FAM118B: variants seen among roughly 807,000 people sequenced by gnomAD.
FAM118B encodes the protein SIR2 antiphage like 1.
Under a neutral mutation model 38.5 loss-of-function variants are expected in FAM118B, and 24 were observed. That is an observed-to-expected ratio of 0.62 (90% CI 0.45 to 0.88). The LOEUF (loss-of-function observed/expected upper bound fraction) is 0.88, where lower values mean the gene tolerates loss of function less well. Among genes scored for constraint, FAM118B ranks in the 40% least tolerant of loss-of-function variants. The probability of loss-of-function intolerance (pLI) is 0.00; values close to 1 mark genes in which losing one functional copy is unlikely to be tolerated. For missense variants in FAM118B, 334 were observed against 420.0 expected, an observed-to-expected ratio of 0.80 and a Z score of 1.79; for synonymous variants, 138 against 156.3, an observed-to-expected ratio of 0.88 and a Z score of 0.87.
chr11:126,214,514 G>GTTTTTTTTTT (rs71048770), intron 1 of FAM118B: 11 of 41,512 alleles, frequency 2.6e-4, no homozygotes, highest in Non-Finnish European at 4.8e-4. Context: ...TTTTTTTTTT[G>GTTTTTTTTTT]TTTTTTTTTT....
intron 1 of FAM118B, among the ~76,000 whole-genome samples, chr11:126,219,339 T>G (rs1950027365): frequency 7.2e-6 from 1 of 138,706 alleles, no homozygotes; most frequent in South Asian, 2.3e-4. Context: ...ATCCTTCAGC[T>G]CTTGTTTATC....
intron 2 of FAM118B, chr11:126,233,871 T>C (rs909067493): frequency 7.7e-6 from 3 of 391,808 alleles, no homozygotes; most frequent in African/African-American, 6.3e-5. Context: ...TTACTTGAGC[T>C]CAGGAGTTAG....
intron 7 of FAM118B, among the ~76,000 whole-genome samples, chr11:126,259,371 G>A (rs1035644311): frequency 1.3e-4 from 19 of 150,556 alleles, no homozygotes; most frequent in Admixed American, 3.3e-4. Flanking sequence ...CAAGCAGTGG[G>A]AAAAAGAAAA....
intron 1 of FAM118B, among the ~76,000 whole-genome samples, chr11:126,216,566 CT>C (rs1949981600): frequency 6.6e-6 from 1 of 152,162 alleles, no homozygotes; most frequent in African/African-American, 2.4e-5. Flanking sequence ...TGGCGTTTTT[CT>C]GGTCACAAAA....
intron 1 of FAM118B, among the ~76,000 whole-genome samples, chr11:126,222,843 T>C (rs1025484819): frequency 6.6e-6 from 1 of 152,212 alleles, no homozygotes; most frequent in African/African-American, 2.4e-5. Context: ...GGGATGGGGA[T>C]AGGATGATAA....
intron 1 of FAM118B, among the ~76,000 whole-genome samples, chr11:126,220,406 C>CT (rs199527903): frequency 1.1e-3 from 159 of 150,902 alleles, no homozygotes; most frequent in Non-Finnish European, 1.5e-3. Flanking sequence ...TCACTGGCCA[C>CT]TTTTTTTTTA....
At chr11:126,249,450 A>T (rs967015940) in intron 4 of FAM118B, among the ~76,000 whole-genome samples, 4 of 151,278 alleles carry the variant, frequency 2.6e-5, no homozygotes, top group African/African-American at 9.7e-5. Flanking sequence ...GGAGATGCTG[A>T]GGCTGGGTGT....
chr11:126,237,802 A>G (rs1360326371), intron 3 of FAM118B, among the ~76,000 whole-genome samples: 1 of 142,362 alleles, frequency 7.0e-6, no homozygotes, highest in African/African-American at 2.6e-5. Context: ...GGTTGCAGTG[A>G]GCTGAGATTG....
intron 4 of FAM118B, 87 bp downstream of exon 4, chr11:126,241,131 A>G (rs1950352041): frequency 1.5e-6 from 2 of 1,343,234 alleles, no homozygotes; most frequent in African/African-American, 1.5e-5. Flanking sequence ...CAAAACTAGC[A>G]TGCCAAATGT....
intron 6 of FAM118B, among the ~76,000 whole-genome samples, chr11:126,254,857 G>A (rs896937292): frequency 1.3e-5 from 2 of 152,082 alleles, no homozygotes; most frequent in Non-Finnish European, 1.5e-5. Context: ...AAAGTCAGAC[G>A]TTCTTCCTGT....
chr11:126,221,805 C>G (rs549459219), intron 1 of FAM118B, among the ~76,000 whole-genome samples: 1 of 152,154 alleles, frequency 6.6e-6, no homozygotes, highest in South Asian at 2.1e-4. Flanking sequence ...GCAAGATGGA[C>G]TTCAGTGTTG....
At chr11:126,212,638 A>G (rs1293133920) in intron 1 of FAM118B, among the ~76,000 whole-genome samples, 1 of 152,232 alleles carries the variant, frequency 6.6e-6, no homozygotes, top group Non-Finnish European at 1.5e-5. Context: ...TGGATCTGTG[A>G]CGATAGAAGG....
At chr11:126,241,953 A>G (rs1368834864) in intron 4 of FAM118B, among the ~76,000 whole-genome samples, 1 of 141,184 alleles carries the variant, frequency 7.1e-6, no homozygotes, top group Admixed American at 7.7e-5. Context: ...TGAACCCGGG[A>G]GGTGGAGGTT....
chr11:126,262,422 C>G lies in FAM118B; in HGVS notation c.*289C>G, dbSNP rs1427370517. ...GACATGCTTGTGTCCACACAGCACA[C>G]CAATGTGATACTTCCACTGACCGGC... is the stretch of plus-strand genomic sequence containing the variant. On this transcript the variant is annotated 3_prime_UTR_variant, in exon 9 of 9. Transcript: ENST00000533050. 6 of 447,192 alleles carry G rather than the reference C, an allele frequency of 1.3e-5. No individual in the cohort carries two copies. The highest frequency in any genetic ancestry group is 2.0e-5 in the Non-Finnish European group (5 of 251,440). 27.7% of individuals were successfully genotyped at this position (447,192 alleles called of 1,614,324 possible). A position where few individuals can be genotyped will look rare whatever the true frequency, so the allele number is the denominator to read the frequency against.
intron 3 of FAM118B, 72 bp downstream of exon 3, chr11:126,235,159 C>T: frequency 8.3e-7 from 1 of 1,207,458 alleles, no homozygotes; most frequent in Non-Finnish European, 1.2e-6. Context: ...CCAACTTATA[C>T]CTTCTATATC....
rs199936495 is a variant in FAM118B, at chr11:126,255,490, T to TAC, written c.697-1063_697-1062dup. On this transcript the variant is annotated intron_variant, in intron 6 of 8. Transcript: ENST00000533050. This position sits in a 1 kb window ranked among gnomAD's most constrained non-coding sequence, Gnocchi z 4.6. ...CTGTGTTTTTGTGTGTGTATATGTA[T>TAC]ACACACACACACACATACTGATGTT... Among the ~76,000 whole-genome samples, 31 of 151,732 alleles carry TAC rather than the reference T, an allele frequency of 2.0e-4. No individual in the cohort carries two copies. Among genetic ancestry groups the TAC allele is most frequent in the East Asian group, 5.8e-4 (3 of 5,180 alleles).
At chr11:126,214,514 G>GTTTTTTTTTTTTTTTTTTTTTTT (rs71048770) in intron 1 of FAM118B, 2 of 41,518 alleles carry the variant, frequency 4.8e-5, no homozygotes, top group Non-Finnish European at 1.1e-4. Context: ...TTTTTTTTTT[G>GTTTTTTTTTTTTTTTTTTTTTTT]TTTTTTTTTT....
chr11:126,233,624 T>G (rs1950234820), intron 2 of FAM118B: 1 of 407,822 alleles, frequency 2.5e-6, no homozygotes. Flanking sequence ...ACTGGAAACA[T>G]GATCTACTTC....
rs897873727 is a variant in FAM118B, at chr11:126,256,122, T to C, written c.697-445T>C. Among the ~76,000 whole-genome samples the C allele has an allele frequency of 3.3e-5, 5 of 152,054 alleles. No individual in the cohort carries two copies. Among genetic ancestry groups the C allele is most frequent in the African/African-American group, 1.2e-4 (5 of 41,394 alleles). On this transcript the variant is annotated intron_variant, in intron 6 of 8. Coordinates refer to ENST00000533050, the MANE Select transcript of FAM118B (RefSeq NM_024556.4). The surrounding 1 kb of genome is among the most constrained non-coding windows in gnomAD (Gnocchi z 6.6). ...CCCGTCTCTACTAAACATTCAAAAA[T>C]TAGCTGGGTGTGGTGGTGCACACTT... is the stretch of plus-strand genomic sequence containing the variant.
Sources: allele counts gnomAD v4.1 joint callset (sites outside exome capture counted in the v4.1 genomes callset), GRCh38; gene constraint gnomAD v4.1.1; non-coding constraint Gnocchi (gnomAD v3.1); transcripts MANE v1.5; gene names NCBI Gene and HGNC (gene_info 2026-07-23, HGNC 2026-07-21).